Variants in TGFA observed in about 807,000 individuals in gnomAD.
TGFA encodes protransforming growth factor alpha.
A neutral mutation model predicts 21.7 loss-of-function variants in TGFA; 12 were observed. The observed-to-expected ratio is 0.55, with a 90% CI of 0.35 to 0.90. The LOEUF (loss-of-function observed/expected upper bound fraction) is 0.90. TGFA is among the 40% of genes least tolerant of loss of function. TGFA has a pLI of 0.01. For missense variants in TGFA, 178 were observed against 210.8 expected, an observed-to-expected ratio of 0.84 and a Z score of 0.96; for synonymous variants, 79 against 88.1, an observed-to-expected ratio of 0.90 and a Z score of 0.58.
At chr2:70,530,210 T>C (rs1672774795) in intron 1 of TGFA, among the ~76,000 whole-genome samples, 3 of 152,230 alleles carry the variant, frequency 2.0e-5, no homozygotes, top group Admixed American at 2.0e-4. Flanking sequence ...TCAACTCCTG[T>C]GAGAGTCAGA....
chr2:70,520,880 C>T (rs1360676898), intron 1 of TGFA, among the ~76,000 whole-genome samples: 1 of 152,150 alleles, frequency 6.6e-6, no homozygotes, highest in Non-Finnish European at 1.5e-5. Flanking sequence ...TCCACCTCTT[C>T]CTTGGTTCTG....
At chr2:70,477,279 G>C (rs1553494617) in intron 2 of TGFA, among the ~76,000 whole-genome samples, 1 of 152,218 alleles carries the variant, frequency 6.6e-6, no homozygotes, top group Non-Finnish European at 1.5e-5. Context: ...ATGCTTAGAA[G>C]AAAGATGTTT....
At chr2:70,514,987 G>C in intron 1 of TGFA, 75 bp from the exon 2 acceptor site, 1 of 1,432,940 alleles carries the variant, frequency 7.0e-7, no homozygotes. Context: ...TTAGAGGGCA[G>C]GCCCTTTGAC....
intron 2 of TGFA, among the ~76,000 whole-genome samples, chr2:70,512,549 G>A (rs113938293): frequency 3.3e-5 from 5 of 152,316 alleles, no homozygotes; most frequent in African/African-American, 1.2e-4. Flanking sequence ...CACAATGAGG[G>A]GAAGTAAACC....
chr2:70,496,678 G>T (rs1410645384), intron 2 of TGFA, among the ~76,000 whole-genome samples: 1 of 152,168 alleles, frequency 6.6e-6, no homozygotes, highest in Admixed American at 6.5e-5. Context: ...GTGATATAAA[G>T]CACTTGGTAT....
At chr2:70,459,432 C>T (rs1418476966) in intron 3 of TGFA, among the ~76,000 whole-genome samples, 1 of 152,206 alleles carries the variant, frequency 6.6e-6, no homozygotes. Context: ...TGGGAACTAA[C>T]AATCTCACCC....
intron 2 of TGFA, among the ~76,000 whole-genome samples, chr2:70,510,830 CT>C (rs879981957): frequency 1.3e-5 from 2 of 151,618 alleles, no homozygotes; most frequent in Non-Finnish European, 2.9e-5. Flanking sequence ...GAACACAGAA[CT>C]TTTTTTTTCC....
At chr2:70,551,295 T>G (rs529982364) in intron 1 of TGFA, among the ~76,000 whole-genome samples, 10 of 152,312 alleles carry the variant, frequency 6.6e-5, no homozygotes, top group African/African-American at 2.4e-4. Context: ...TGCCTGCCAG[T>G]GATGGAAACC....
chr2:70,520,016 C>T (rs1397810383), intron 1 of TGFA, among the ~76,000 whole-genome samples: 1 of 152,182 alleles, frequency 6.6e-6, no homozygotes, highest in Non-Finnish European at 1.5e-5. Flanking sequence ...GGATAACAGC[C>T]CTTCATGGGA....
chr2:70,453,241 G>A lies in TGFA; in HGVS notation c.452C>T (p.Thr151Ile). 6.2e-7 allele frequency: 1 copy of A among 1,613,944 alleles called. No homozygotes were observed. Among genetic ancestry groups the A allele is most frequent in the South Asian group, 1.1e-5 (1 of 91,052 alleles). The change falls in exon 5 of 6, where the codon ACC (threonine) becomes ATC (isoleucine). Residue 151 changes from threonine to isoleucine, a missense_variant. By Grantham distance (89) the Thr-to-Ile change is moderately conservative. Transcript: ENST00000295400. ...EKPSALLKGR[T>I]ACCHSETVV ...ACCTGTTTCTGAGTGGCAGCAAGCG[G>A]TTCTTCCCTTCAGGAGGGCGCTGGG... is the stretch of plus-strand genomic sequence containing the variant.
chr2:70,544,319 A>C (rs188192938), intron 1 of TGFA, among the ~76,000 whole-genome samples: 238 of 151,724 alleles, frequency 1.6e-3, no homozygotes, highest in African/African-American at 5.5e-3. Context: ...ATATTTAATA[A>C]AAGATTAAAA....
intron 1 of TGFA, among the ~76,000 whole-genome samples, chr2:70,517,806 G>A (rs1404368230): frequency 3.3e-5 from 5 of 152,228 alleles, no homozygotes; most frequent in African/African-American, 4.8e-5. Flanking sequence ...CAGGCCCAGC[G>A]GCTGAGCCTT....
intron 2 of TGFA, among the ~76,000 whole-genome samples, chr2:70,466,782 C>A (rs1670578796): frequency 1.3e-5 from 2 of 152,170 alleles, no homozygotes; most frequent in East Asian, 3.8e-4. Context: ...GGAACCAACC[C>A]AAATGCCCAT....
intron 1 of TGFA, among the ~76,000 whole-genome samples, chr2:70,522,783 C>T (rs1334153913): frequency 1.3e-5 from 2 of 152,114 alleles, no homozygotes; most frequent in African/African-American, 4.8e-5. Flanking sequence ...AGACGTGGGC[C>T]ATGGTGGTTT....
intron 1 of TGFA, among the ~76,000 whole-genome samples, chr2:70,529,599 C>CCCCA (rs1427020987): frequency 3.3e-5 from 5 of 151,454 alleles, no homozygotes; most frequent in Non-Finnish European, 7.4e-5. Flanking sequence ...CCCCCCGCCC[C>CCCCA]AGTCCTAGAA....
intron 1 of TGFA, among the ~76,000 whole-genome samples, chr2:70,535,052 A>G (rs1376634724): frequency 2.6e-5 from 4 of 152,034 alleles, no homozygotes; most frequent in African/African-American, 9.7e-5. Flanking sequence ...TTTTTTTTAA[A>G]TCTCTAAAAT....
At chr2:70,533,937 A>G (rs1267611650) in intron 1 of TGFA, among the ~76,000 whole-genome samples, 1 of 152,106 alleles carries the variant, frequency 6.6e-6, no homozygotes, top group African/African-American at 2.4e-5. Flanking sequence ...GTGTGTTAGC[A>G]ATACACTGTT....
intron 2 of TGFA, among the ~76,000 whole-genome samples, chr2:70,473,947 T>A (rs2103729406): frequency 6.6e-6 from 1 of 152,272 alleles, no homozygotes; most frequent in South Asian, 2.1e-4. Context: ...GTCTCTATCA[T>A]TCCCCAACCC....
chr2:70,528,455 T>C (rs1553503220), intron 1 of TGFA, among the ~76,000 whole-genome samples: 2 of 127,544 alleles, frequency 1.6e-5, no homozygotes, highest in African/African-American at 6.1e-5. Flanking sequence ...CAATGATCCC[T>C]GTGGAAAGAG....
Sources: allele counts gnomAD v4.1 joint callset (sites outside exome capture counted in the v4.1 genomes callset), GRCh38; gene constraint gnomAD v4.1.1; transcripts MANE v1.5; gene names NCBI Gene and HGNC (gene_info 2026-07-23, HGNC 2026-07-21).